TMPRSS15: variants seen among roughly 807,000 people sequenced by gnomAD.
TMPRSS15 encodes enteropeptidase.
Under a neutral mutation model 125.3 loss-of-function variants are expected in TMPRSS15, and 128 were observed. That is an observed-to-expected ratio of 1.02 (90% CI 0.89 to 1.18). The LOEUF is 1.18. Among genes scored for constraint, TMPRSS15 ranks in the 50% most tolerant of loss-of-function variants. The pLI is 0.00. For synonymous variants in TMPRSS15, 446 were observed against 423.2 expected (o/e 1.05, Z -0.66); for missense variants, 1,283 against 1,212.7 (o/e 1.06, Z -0.86).
At chr21:18,290,061 C>G (rs2074815286) in intron 21 of TMPRSS15, among the ~76,000 whole-genome samples, 1 of 152,190 alleles carries the variant, frequency 6.6e-6, no homozygotes, top group Non-Finnish European at 1.5e-5. Flanking sequence ...TCTCAAACTC[C>G]TTTTTGTGTT....
chr21:18,431,179 A>C (rs2076215898), intron 1 of TMPRSS15, among the ~76,000 whole-genome samples: 1 of 152,202 alleles, frequency 6.6e-6, no homozygotes, highest in Admixed American at 6.5e-5. Context: ...TATAGAATAA[A>C]AATTTGTGCT....
chr21:18,297,312 C>A (rs1367114029), intron 19 of TMPRSS15, among the ~76,000 whole-genome samples: 1 of 152,124 alleles, frequency 6.6e-6, no homozygotes, highest in Admixed American at 6.5e-5. Flanking sequence ...AAAAGAATAT[C>A]AAGATATTCC....
At chr21:18,305,007 A>C (rs1474295094) in intron 18 of TMPRSS15, among the ~76,000 whole-genome samples, 2 of 152,004 alleles carry the variant, frequency 1.3e-5, no homozygotes, top group Admixed American at 6.6e-5. Context: ...AGACTGACAA[A>C]AGTACCTATG....
At chr21:18,327,554 G>T (rs1047901037) in intron 15 of TMPRSS15, among the ~76,000 whole-genome samples, 1 of 152,062 alleles carries the variant, frequency 6.6e-6, no homozygotes, top group Non-Finnish European at 1.5e-5. Flanking sequence ...CTGATGAAAA[G>T]GTTGGGGAAC....
intron 1 of TMPRSS15, among the ~76,000 whole-genome samples, chr21:18,468,122 A>T (rs1476609794): frequency 6.6e-6 from 1 of 152,160 alleles, no homozygotes; most frequent in Admixed American, 6.6e-5. Context: ...AAAGGATTAC[A>T]ACTTTTGAGG....
chr21:18,336,501 T>G (rs569601486), intron 13 of TMPRSS15, among the ~76,000 whole-genome samples: 51 of 152,328 alleles, frequency 3.3e-4, no homozygotes, highest in African/African-American at 1.2e-3. Context: ...TGATCAAAAT[T>G]TATGTTTTCA....
chr21:18,424,416 G>C (rs1006345491), intron 1 of TMPRSS15, among the ~76,000 whole-genome samples: 1 of 152,124 alleles, frequency 6.6e-6, no homozygotes, highest in African/African-American at 2.4e-5. Flanking sequence ...CTCTTGTTTT[G>C]ACATCTCAGT....
In TMPRSS15 at chr21:18,472,906, G is replaced by A. The variant is rs149041493; in HGVS notation, c.10+12893C>T. Among the ~76,000 whole-genome samples the A allele has an allele frequency of 1.1e-4, 16 of 152,120 alleles. No individual in the cohort carries two copies. In the East Asian group the frequency reaches 2.1e-3, roughly 20 times the overall value. On this transcript the variant is annotated intron_variant, in intron 1 of 7. Transcript: ENST00000422787. ...CAATAAGAAGGCACAATAATAGCACGTAAGATTGATAAGATTCATTTAATA... is the reference window on the plus strand; with the variant it reads ...CAATAAGAAGGCACAATAATAGCACATAAGATTGATAAGATTCATTTAATA...
chr21:18,346,025 C>T (rs1002661324), intron 10 of TMPRSS15, among the ~76,000 whole-genome samples: 1 of 151,782 alleles, frequency 6.6e-6, no homozygotes, highest in Non-Finnish European at 1.5e-5. Context: ...ATTATGTAGA[C>T]TATAGTACCT....
intron 8 of TMPRSS15, among the ~76,000 whole-genome samples, chr21:18,359,157 A>G (rs577770297): frequency 6.6e-6 from 1 of 152,148 alleles, no homozygotes; most frequent in East Asian, 1.9e-4. Context: ...GGTGGAATAA[A>G]GGGGCATGAA....
At chr21:18,396,023 G>C (rs1235491094) in intron 3 of TMPRSS15, among the ~76,000 whole-genome samples, 1 of 152,074 alleles carries the variant, frequency 6.6e-6, no homozygotes, top group Non-Finnish European at 1.5e-5. Context: ...TAAAAACTAA[G>C]ACTTACTTAC....
intron 5 of TMPRSS15, among the ~76,000 whole-genome samples, chr21:18,376,369 A>G (rs2075843467): frequency 6.6e-6 from 1 of 152,168 alleles, no homozygotes; most frequent in African/African-American, 2.4e-5. Flanking sequence ...ATGCAGAAAA[A>G]GAACGATTCC....
At position 18,294,509 on chromosome 21, in the gene TMPRSS15, T is replaced by G; in HGVS notation, c.2312-65A>C. ...TGGCATTTCTTCTGATGGTGAAAATTGAGTGGTAACAAAATAACTTCAGGT... is the reference window on the plus strand; with the variant it reads ...TGGCATTTCTTCTGATGGTGAAAATGGAGTGGTAACAAAATAACTTCAGGT... On this transcript the variant is annotated intron_variant, in intron 20 of 24. Coordinates refer to ENST00000284885, the MANE Select transcript of TMPRSS15 (RefSeq NM_002772.3). The G allele has an allele frequency of 3.1e-6, 5 of 1,606,262 alleles. No homozygotes were observed. In the South Asian group the frequency reaches 4.4e-5, roughly 14 times the overall value.
intron 1 of TMPRSS15, among the ~76,000 whole-genome samples, chr21:18,470,464 C>T (rs551195577): frequency 2.4e-4 from 36 of 152,076 alleles, no homozygotes; most frequent in African/African-American, 7.7e-4. Context: ...TTACCCCAAC[C>T]GAAAATAAAT....
intron 24 of TMPRSS15, among the ~76,000 whole-genome samples, chr21:18,273,930 A>C (rs1263924656): frequency 6.6e-6 from 1 of 152,224 alleles, no homozygotes; most frequent in Non-Finnish European, 1.5e-5. Flanking sequence ...GATGATCTGA[A>C]TAAGCGTCAA....
At chr21:18,477,936 C>A (rs17002663) in intron 1 of TMPRSS15, among the ~76,000 whole-genome samples, 5,692 of 152,022 alleles carry the variant, frequency 0.037, 365 homozygotes, top group African/African-American at 0.13. Context: ...GGAAAGGTTC[C>A]TTAATCCCAA....
chr21:18,472,474 TATATATAC>T (rs908979860), intron 1 of TMPRSS15, among the ~76,000 whole-genome samples: 16 of 148,264 alleles, frequency 1.1e-4, no homozygotes, highest in East Asian at 2.0e-4. Context: ...TATATATATA[TATATATAC>T]ACACACACAC....
At chr21:18,293,010 G>A (rs1313591697) in intron 21 of TMPRSS15, among the ~76,000 whole-genome samples, 1 of 152,190 alleles carries the variant, frequency 6.6e-6, no homozygotes, top group African/African-American at 2.4e-5. Context: ...ATGGGATGGT[G>A]CTGTCGGTAG....
At chr21:18,307,652 C>T (rs1341938681) in intron 18 of TMPRSS15, among the ~76,000 whole-genome samples, 1 of 151,690 alleles carries the variant, frequency 6.6e-6, no homozygotes, top group East Asian at 1.9e-4. Flanking sequence ...AGATTTCTGA[C>T]CCAGGAATAA....
Sources: allele counts gnomAD v4.1 joint callset (sites outside exome capture counted in the v4.1 genomes callset), GRCh38; gene constraint gnomAD v4.1.1; transcripts MANE v1.5; gene names NCBI Gene and HGNC (gene_info 2026-07-23, HGNC 2026-07-21).